VWA3A: variants seen among roughly 807,000 people sequenced by gnomAD.
VWA3A encodes von Willebrand factor A domain containing 3A, also known as von Willebrand factor A domain-containing protein 3A.
Under a neutral mutation model 160.4 loss-of-function variants are expected in VWA3A, and 134 were observed. That is an observed-to-expected ratio of 0.84 (90% CI 0.73 to 0.96). VWA3A has a LOEUF of 0.96. VWA3A is among the 40% of genes least tolerant of loss of function. The pLI is 0.00. For synonymous variants in VWA3A, 476 were observed against 543.4 expected, an observed-to-expected ratio of 0.88 and a Z score of 1.72; for missense variants, 1,310 against 1,447.9, an observed-to-expected ratio of 0.90 and a Z score of 1.55.
chr16:22,109,458 T>G (rs2141866327), intron 6 of VWA3A, 24 bp from the exon 7 acceptor site: 6 of 1,559,396 alleles, frequency 3.8e-6, no homozygotes, highest in Non-Finnish European at 5.2e-6. Context: ...ACTGGCTGTT[T>G]CCAAATGCCC....
intron 1 of VWA3A, among the ~76,000 whole-genome samples, chr16:22,093,407 G>C (rs773592040): frequency 6.6e-6 from 1 of 152,164 alleles, no homozygotes; most frequent in African/African-American, 2.4e-5. Context: ...TGCTGTTTGA[G>C]TTAAGGTACT....
chr16:22,115,832 G>GGGAAAGAAGGAA (rs2045621911), intron 9 of VWA3A, among the ~76,000 whole-genome samples: 1 of 88,164 alleles, frequency 1.1e-5, no homozygotes, highest in Non-Finnish European at 2.8e-5. Flanking sequence ...GTGAGACCCA[G>GGGAAAGAAGGAA]GGAAGGAAGG....
chr16:22,138,385 A>G lies in VWA3A; in HGVS notation c.2165A>G (p.Lys722Arg), dbSNP rs751746044. The G allele has an allele frequency of 6.2e-7, 1 of 1,603,678 alleles. No individual in the cohort carries two copies. Among genetic ancestry groups the G allele is most frequent in the Non-Finnish European group, 8.5e-7 (1 of 1,175,332 alleles). Reference sequence around the variant, plus strand: ...TGTGCCTTCCTCATGGCCTCCCTGAAGAACCATTCAGGAAAAGTACTGGGA... The same window carrying G: ...TGTGCCTTCCTCATGGCCTCCCTGAGGAACCATTCAGGAAAAGTACTGGGA... ...QKCAFLMASL[K>R]NHSGKVLGSS... Residue 722 changes from lysine (K) to arginine (R), a missense_variant, in exon 22 of 34, where the codon AAG becomes AGG. By Grantham distance (26) the Lys-to-Arg change is conservative (BLOSUM62 2). Coordinates refer to ENST00000389398, the MANE Select transcript of VWA3A (RefSeq NM_173615.5).
At chr16:22,112,718 G>A (rs886593011) in intron 8 of VWA3A, among the ~76,000 whole-genome samples, 1 of 151,714 alleles carries the variant, frequency 6.6e-6, no homozygotes, top group South Asian at 2.1e-4. Flanking sequence ...GAGAGACCCT[G>A]TCTCCAAAAG....
intron 5 of VWA3A, among the ~76,000 whole-genome samples, chr16:22,102,621 A>G (rs2045423648): frequency 6.6e-6 from 1 of 152,192 alleles, no homozygotes; most frequent in South Asian, 2.1e-4. Context: ...GGCAAGTTCA[A>G]GAAGGTCCCC....
intron 19 of VWA3A, 21 bp from the exon 20 acceptor site, chr16:22,132,879 C>T (rs1167729622): frequency 1.9e-6 from 3 of 1,603,088 alleles, no homozygotes; most frequent in African/African-American, 2.7e-5. Context: ...CTGGCCCCTC[C>T]TACCTTCTCT....
intron 12 of VWA3A, among the ~76,000 whole-genome samples, chr16:22,120,126 T>C (rs1039226845): frequency 2.0e-5 from 3 of 152,206 alleles, no homozygotes; most frequent in Non-Finnish European, 4.4e-5. Context: ...AAGTATGTTA[T>C]TACTTTTTAT....
rs1203069642 is a variant in VWA3A, at chr16:22,148,770, C to CA, written c.2984+474dup. ...TGGGCAACAGAGTAAGACCCTGTCTCAAAAAAAAAAGGAACGCAATTTTTA... is the reference window on the plus strand; with the variant it reads ...TGGGCAACAGAGTAAGACCCTGTCTCAAAAAAAAAAAGGAACGCAATTTTTA... On this transcript the variant is annotated intron_variant, in intron 28 of 33. Coordinates refer to ENST00000389398, the MANE Select transcript of VWA3A (RefSeq NM_173615.5). 9.6e-5 allele frequency among the ~76,000 whole-genome samples: 14 copies of CA among 145,158 alleles called. No individual in the cohort carries two copies. In the East Asian group the frequency reaches 1.0e-3, roughly 10 times the overall value.
intron 3 of VWA3A, 59 bp from the exon 4 acceptor site, chr16:22,100,135 G>A (rs2045384754): frequency 3.4e-6 from 5 of 1,487,602 alleles, no homozygotes; most frequent in Non-Finnish European, 4.5e-6. Flanking sequence ...TGTGTGAAGG[G>A]AACCTCTTCC....
At chr16:22,129,982 G>A (rs773351288) in intron 17 of VWA3A, among the ~76,000 whole-genome samples, 9 of 152,138 alleles carry the variant, frequency 5.9e-5, no homozygotes, top group Non-Finnish European at 1.2e-4. Context: ...GAGGCCAGGA[G>A]TTTGAGACCA....
chr16:22,139,443 C>T (rs572921337), intron 22 of VWA3A, among the ~76,000 whole-genome samples: 1 of 152,266 alleles, frequency 6.6e-6, no homozygotes, highest in South Asian at 2.1e-4. Flanking sequence ...CACCTGTAAT[C>T]CCAGCACTTT....
chr16:22,145,700 CA>C (rs201547176), intron 26 of VWA3A, among the ~76,000 whole-genome samples: 13 of 144,404 alleles, frequency 9.0e-5, no homozygotes, highest in South Asian at 2.2e-4. Flanking sequence ...CTGCATTTAC[CA>C]AAAAAAAAAT....
rs186895155 is a variant in VWA3A, at chr16:22,137,818, T to C, written c.2140-542T>C. 7.2e-5 allele frequency among the ~76,000 whole-genome samples: 11 copies of C among 152,188 alleles called. No homozygotes were observed. In the East Asian group the frequency reaches 2.1e-3, roughly 29 times the overall value. ...ATCAGCTGCTTTGCTGGAATTCGGG[T>C]CTGAAAAACATCTTAAGCAATTCTT... On this transcript the variant is annotated intron_variant, in intron 21 of 33. Coordinates refer to ENST00000389398, the MANE Select transcript of VWA3A (RefSeq NM_173615.5).
chr16:22,142,871 C>A, intron 25 of VWA3A, 106 bp downstream of exon 25: 1 of 861,976 alleles, frequency 1.2e-6, no homozygotes. Context: ...TGAGAACAAG[C>A]CAGGCACAGT....
rs772918132 is a variant in VWA3A, at chr16:22,155,892, C to T, written c.3545C>T (p.Thr1182Ile). 1.9e-6 allele frequency: 3 copies of T among 1,613,924 alleles called. No individual in the cohort carries two copies. Among genetic ancestry groups the T allele is most frequent in the Admixed American group, 1.7e-5 (1 of 60,016 alleles). The change falls in exon 33 of 34, where the codon ACT becomes ATT. Residue 1182 changes from threonine (T) to isoleucine (I), a missense_variant. By Grantham distance (89) the Thr-to-Ile change is moderately conservative. Coordinates refer to ENST00000389398, the MANE Select transcript of VWA3A (RefSeq NM_173615.5). ...QKKNDAEPKV[T>I]LS ...AAAAATGATGCAGAACCAAAGGTCA[C>T]TCTTTCCTAGAGAAGTGTTCTCAGG...
intron 22 of VWA3A, 59 bp from the exon 23 acceptor site, chr16:22,140,095 T>A (rs747349625): frequency 2.4e-5 from 37 of 1,543,816 alleles, no homozygotes; most frequent in Non-Finnish European, 3.1e-5. Flanking sequence ...TCAGGGTAAC[T>A]GGGATCCTGC....
At chr16:22,140,130 TG>T (rs1216387995) in intron 22 of VWA3A, 23 bp from the exon 23 acceptor site, 2 of 1,607,974 alleles carry the variant, frequency 1.2e-6, no homozygotes, top group Admixed American at 1.7e-5. Context: ...ACTCCTCTGA[TG>T]GGAAAGATTG....
At chr16:22,122,649 G>T (rs1428643486) in intron 14 of VWA3A, among the ~76,000 whole-genome samples, 1 of 152,120 alleles carries the variant, frequency 6.6e-6, no homozygotes. Flanking sequence ...AAAACAGGAT[G>T]AACAAGTTGG....
At chr16:22,128,134 T>A (rs2045883883) in intron 17 of VWA3A, among the ~76,000 whole-genome samples, 2 of 152,142 alleles carry the variant, frequency 1.3e-5, no homozygotes, top group Admixed American at 6.6e-5. Flanking sequence ...AGATTGTGCA[T>A]GACAGAAATA....
Sources: gnomAD v4.1 joint callset for allele counts (sites outside exome capture counted in the v4.1 genomes callset) on GRCh38, gnomAD v4.1.1 for gene constraint, MANE v1.5 for transcripts, NCBI Gene and HGNC (gene_info 2026-07-23, HGNC 2026-07-21) for gene names.